GUCY1B1: variants seen among roughly 807,000 people sequenced by gnomAD.
GUCY1B1 encodes the protein guanylate cyclase soluble subunit beta-1.
Under a neutral mutation model 71.0 loss-of-function variants are expected in GUCY1B1, and 43 were observed. The observed-to-expected ratio is 0.61, with a 90% CI of 0.47 to 0.78. GUCY1B1 has a LOEUF of 0.78. GUCY1B1 is among the 30% of genes least tolerant of loss of function. GUCY1B1 has a pLI of 0.00. For synonymous variants in GUCY1B1, 266 were observed against 259.7 expected, an observed-to-expected ratio of 1.02 and a Z score of -0.23; for missense variants, 535 against 754.1, an observed-to-expected ratio of 0.71 and a Z score of 3.40.
Position 155,804,739 on chromosome 4 carries a change from T to C in GUCY1B1, c.1701T>C (p.Tyr567=), listed in dbSNP as rs1403203348. 4.3e-6 allele frequency: 7 copies of C among 1,611,684 alleles called. No individual in the cohort carries two copies. Among genetic ancestry groups the C allele is most frequent in the Admixed American group, 1.7e-5 (1 of 59,716 alleles). Residue 567 remains tyrosine, a synonymous_variant, in exon 12 of 14, where the codon TAT becomes TAC. Transcript: ENST00000264424. Reference sequence around the variant, plus strand: ...AGGGAAAAATAAATGTGTCTGAATATACATACAGGTGAGAGAAAATGTCTT... The same window carrying C: ...AGGGAAAAATAAATGTGTCTGAATACACATACAGGTGAGAGAAAATGTCTT... The part of the protein sequence containing the change: ...GEKGKINVSE[Y]TYRCLMSPEN...
Position 155,787,941 on chromosome 4 carries a change from G to A in GUCY1B1, c.298-1773G>A, listed in dbSNP as rs1026904146. Among the ~76,000 whole-genome samples the A allele has an allele frequency of 3.3e-5, 5 of 152,140 alleles. No individual in the cohort carries two copies. In the South Asian group the frequency reaches 1.0e-3, roughly 31 times the overall value. The stretch of plus-strand genomic sequence containing the variant: ...TCTCCAGTACTTTCATTTTAGGTAT[G>A]TTCTTTTATGCCCATGACATTTTGA... On this transcript the variant is annotated intron_variant, in intron 4 of 13. Coordinates refer to ENST00000264424, the MANE Select transcript of GUCY1B1 (RefSeq NM_000857.5).
rs149731623 is a variant in GUCY1B1 at position 155,780,479 on chromosome 4, A to G, written c.297+2837A>G. ...TAGGACACTCTATTTCCCCAGCCACAGTAGTTTTCATACTGCATTATCATT... is the reference window on the plus strand; with the variant it reads ...TAGGACACTCTATTTCCCCAGCCACGGTAGTTTTCATACTGCATTATCATT... On this transcript the variant is annotated intron_variant, in intron 4 of 13. Transcript: ENST00000264424. Among the ~76,000 whole-genome samples, 518 of 152,300 alleles carry G rather than the reference A, an allele frequency of 3.4e-3. 4 individuals carry two copies. Among genetic ancestry groups the G allele is most frequent in the Admixed American group, 6.5e-3 (99 of 15,292 alleles).
At chr4:155,774,483 G>A (rs1033195803) in intron 2 of GUCY1B1, among the ~76,000 whole-genome samples, 6 of 152,156 alleles carry the variant, frequency 3.9e-5, no homozygotes, top group African/African-American at 1.4e-4. Context: ...TTTCTCCAAA[G>A]TATAATACTT....
chr4:155,790,283 T>A (rs531054743), intron 5 of GUCY1B1, among the ~76,000 whole-genome samples: 2 of 152,322 alleles, frequency 1.3e-5, no homozygotes, highest in East Asian at 3.9e-4. Context: ...AATATAAAAT[T>A]AAGTATTATT....
chr4:155,802,451 G>A lies in GUCY1B1; in HGVS notation c.1285G>A (p.Gly429Ser). The A allele has an allele frequency of 6.2e-7, 1 of 1,613,786 alleles. No individual in the cohort carries two copies. The highest frequency in any genetic ancestry group is 1.1e-5 in the South Asian group (1 of 91,062). ...GACCATCCTCTTTAGTGGCATTGTG[G>A]GCTTCAATGCTTTCTGTAGCAAGCA... ...NVTILFSGIVGFNAFCSKHAS... is the reference protein window; with the variant it reads ...NVTILFSGIVSFNAFCSKHAS... Residue 429 changes from glycine to serine, a missense_variant, in exon 10 of 14, where the codon GGC becomes AGC. Coordinates refer to ENST00000264424, the MANE Select transcript of GUCY1B1 (RefSeq NM_000857.5). This position sits in a 1 kb window ranked among gnomAD's most constrained non-coding sequence, Gnocchi z 4.3.
At position 155,807,206 on chromosome 4, in the gene GUCY1B1, A is replaced by G. The variant is rs994337268; in HGVS notation, c.*797A>G. 3.3e-5 allele frequency: 5 copies of G among 152,136 alleles called. No homozygotes were observed. Among genetic ancestry groups the G allele is most frequent in the African/African-American group, 7.2e-5 (3 of 41,442 alleles). The allele number at this position is 152,136 out of a possible 1,614,324, so 9.4% of individuals were successfully genotyped here. A position where few individuals can be genotyped will look rare whatever the true frequency, so the allele number is the denominator to read the frequency against. On this transcript the variant is annotated 3_prime_UTR_variant, in exon 14 of 14. Coordinates refer to ENST00000264424, the MANE Select transcript of GUCY1B1 (RefSeq NM_000857.5). ...TGAGCTGTTACATTAGTTCAGGCTA[A>G]ATGTTGGGAGCTCCAACCACATCCA...
At chr4:155,759,686 G>A (rs1736827719) in intron 1 of GUCY1B1, 101 bp from the exon 2 acceptor site, 2 of 805,240 alleles carry the variant, frequency 2.5e-6, no homozygotes, top group East Asian at 2.6e-5. Flanking sequence ...GGGGTGAAAG[G>A]TTAAGCCAGC....
At chr4:155,784,799 A>C (rs1738656843) in intron 4 of GUCY1B1, among the ~76,000 whole-genome samples, 9 of 152,194 alleles carry the variant, frequency 5.9e-5, no homozygotes, top group Admixed American at 5.9e-4. Flanking sequence ...TTGAAACAGG[A>C]AAATCAGGTA....
At chr4:155,791,802 C>T (rs1301876933) in intron 5 of GUCY1B1, among the ~76,000 whole-genome samples, 1 of 148,232 alleles carries the variant, frequency 6.7e-6, no homozygotes, top group East Asian at 2.0e-4. Context: ...AGCATCTATA[C>T]TGAGTGAACG....
chr4:155,805,921 C>A (rs897701539), intron 13 of GUCY1B1, among the ~76,000 whole-genome samples: 2 of 152,140 alleles, frequency 1.3e-5, no homozygotes, highest in East Asian at 3.9e-4. Context: ...TGGCTAGCCT[C>A]TTCCTAGCCT....
intron 2 of GUCY1B1, among the ~76,000 whole-genome samples, chr4:155,764,359 T>C (rs2110970690): frequency 6.6e-6 from 1 of 152,322 alleles, no homozygotes; most frequent in East Asian, 1.9e-4. Context: ...GAAAGGACTT[T>C]ACAGCTCAAT....
intron 2 of GUCY1B1, among the ~76,000 whole-genome samples, chr4:155,766,348 C>T (rs368166578): frequency 1.3e-5 from 2 of 152,120 alleles, no homozygotes; most frequent in African/African-American, 4.8e-5. Context: ...TGCACAACTT[C>T]ATGTTTTGAT....
At chr4:155,797,658 A>G (rs1333602009) in intron 8 of GUCY1B1, among the ~76,000 whole-genome samples, 1 of 151,304 alleles carries the variant, frequency 6.6e-6, no homozygotes, top group East Asian at 1.9e-4. Flanking sequence ...GAGTCGCTTG[A>G]ACCTGGGAGG....
At chr4:155,789,574 G>A in intron 4 of GUCY1B1, 140 bp from the exon 5 acceptor site, 1 of 520,524 alleles carries the variant, frequency 1.9e-6, no homozygotes, top group South Asian at 3.5e-5. Flanking sequence ...TCTCAGTGGA[G>A]TGAAGGATGT....
intron 2 of GUCY1B1, among the ~76,000 whole-genome samples, chr4:155,765,218 C>G (rs543454910): frequency 1.3e-5 from 2 of 152,192 alleles, no homozygotes; most frequent in African/African-American, 4.8e-5. Flanking sequence ...ACTTTCTTGC[C>G]TTTCTCCAGA....
chr4:155,763,420 A>T (rs949456703), intron 2 of GUCY1B1, among the ~76,000 whole-genome samples: 11 of 152,208 alleles, frequency 7.2e-5, no homozygotes, highest in African/African-American at 2.4e-4. Context: ...CCAAATGATT[A>T]AAAGTCTGTA....
In GUCY1B1 at chr4:155,759,025, C is replaced by T. The variant is rs1579174813; in HGVS notation, c.-116C>T. On this transcript the variant is annotated 5_prime_UTR_variant, in exon 1 of 14. Transcript: ENST00000264424. The stretch of plus-strand genomic sequence containing the variant: ...CGGGCCAAGGCGGCTGTTCTCGCTC[C>T]AGCTCGATGCTGCCTCCCCGGCCCG... The T allele has an allele frequency of 8.6e-7, 1 of 1,162,602 alleles. No homozygotes were observed. Among genetic ancestry groups the T allele is most frequent in the East Asian group, 2.6e-5 (1 of 39,156 alleles). 72.0% of individuals were successfully genotyped at this position (1,162,602 alleles called of 1,614,324 possible).
At chr4:155,775,109 G>A (rs375969616) in intron 3 of GUCY1B1, 41 bp downstream of exon 3, 113 of 1,012,460 alleles carry the variant, frequency 1.1e-4, no homozygotes, top group African/African-American at 5.5e-4. Flanking sequence ...CAAGTTACAC[G>A]TAGAAGCTCA....
chr4:155,794,152 C>A, intron 6 of GUCY1B1, 66 bp downstream of exon 6: 1 of 829,270 alleles, frequency 1.2e-6, no homozygotes, highest in Non-Finnish European at 2.0e-6. Context: ...TTGTTACAGG[C>A]AGCCATCCAT....
Sources: allele counts gnomAD v4.1 joint callset (sites outside exome capture counted in the v4.1 genomes callset), GRCh38; gene constraint gnomAD v4.1.1; non-coding constraint Gnocchi (gnomAD v3.1); transcripts MANE v1.5; gene names NCBI Gene and HGNC (gene_info 2026-07-23, HGNC 2026-07-21).